The following SSBP2 variants were observed in gnomAD, a reference collection of about 807,000 sequenced individuals.
SSBP2 encodes single-stranded DNA-binding protein 2.
Under a neutral mutation model 61.8 loss-of-function variants are expected in SSBP2, and 17 were observed. That is an observed-to-expected ratio of 0.28 (90% CI 0.19 to 0.41). The LOEUF (loss-of-function observed/expected upper bound fraction) is 0.41, where lower values mean the gene tolerates loss of function less well. Among genes scored for constraint, SSBP2 ranks in the 10% least tolerant of loss-of-function variants. The pLI, the probability that SSBP2 is intolerant of heterozygous loss-of-function variation, is 1.00. For missense variants in SSBP2, 310 were observed against 458.7 expected (o/e 0.68, Z 2.96); for synonymous variants, 139 against 141.3 (o/e 0.98, Z 0.12).
intron 15 of SSBP2, among the ~76,000 whole-genome samples, chr5:81,431,871 C>T (rs943788097): frequency 6.6e-6 from 1 of 152,186 alleles, no homozygotes; most frequent in African/African-American, 2.4e-5. Context: ...CACGTGTGGA[C>T]CACTGTGCCC....
At chr5:81,450,578 T>G (rs1448986397) in intron 10 of SSBP2, among the ~76,000 whole-genome samples, 1 of 152,198 alleles carries the variant, frequency 6.6e-6, no homozygotes, top group Non-Finnish European at 1.5e-5. Flanking sequence ...TATGGTCATA[T>G]CCTAGAACTC....
chr5:81,519,981 T>TC (rs1491110118), intron 4 of SSBP2, among the ~76,000 whole-genome samples: 2 of 150,828 alleles, frequency 1.3e-5, no homozygotes, highest in African/African-American at 2.5e-5. Flanking sequence ...GTAGCTATTT[T>TC]CCCCCCTCTT....
intron 5 of SSBP2, among the ~76,000 whole-genome samples, chr5:81,499,931 T>A (rs1296178906): frequency 6.6e-6 from 1 of 152,224 alleles, no homozygotes; most frequent in African/African-American, 2.4e-5. Flanking sequence ...GTTTTGTTCT[T>A]AAGTTTCTGA....
At chr5:81,527,445 T>G (rs1770030649) in intron 4 of SSBP2, among the ~76,000 whole-genome samples, 1 of 152,016 alleles carries the variant, frequency 6.6e-6, no homozygotes, top group Non-Finnish European at 1.5e-5. Context: ...GCTTCTGGAT[T>G]TCTAGCATAA....
intron 2 of SSBP2, among the ~76,000 whole-genome samples, chr5:81,646,749 G>T (rs1441766602): frequency 8.5e-6 from 1 of 117,814 alleles, no homozygotes; most frequent in African/African-American, 3.3e-5. Context: ...TTTTTCCAAA[G>T]ATAAAGTCCA....
At chr5:81,574,324 A>G (rs574728278) in intron 4 of SSBP2, among the ~76,000 whole-genome samples, 3 of 152,256 alleles carry the variant, frequency 2.0e-5, no homozygotes, top group East Asian at 3.9e-4. Context: ...TATTAGCCCA[A>G]CTGAAAAAAA....
At chr5:81,514,064 A>C (rs1283807440) in intron 4 of SSBP2, among the ~76,000 whole-genome samples, 2 of 152,216 alleles carry the variant, frequency 1.3e-5, no homozygotes, top group East Asian at 3.8e-4. Context: ...CATCAAAAAC[A>C]AACAGGTGAA....
At chr5:81,439,538 G>A (rs1419416145) in intron 14 of SSBP2, among the ~76,000 whole-genome samples, 5 of 148,370 alleles carry the variant, frequency 3.4e-5, no homozygotes, top group African/African-American at 7.5e-5. Context: ...AGTTTTGCTC[G>A]TCACCCAGGC....
chr5:81,501,758 G>A (rs917349178), intron 5 of SSBP2, among the ~76,000 whole-genome samples: 2 of 151,608 alleles, frequency 1.3e-5, no homozygotes, highest in Non-Finnish European at 2.9e-5. Flanking sequence ...AGTAGAGACG[G>A]GGTTTCACCA....
At chr5:81,425,527 C>G (rs940304447) in intron 16 of SSBP2, among the ~76,000 whole-genome samples, 1 of 152,050 alleles carries the variant, frequency 6.6e-6, no homozygotes, top group African/African-American at 2.4e-5. Flanking sequence ...TATTTCAGTG[C>G]CATGGGAAAA....
Position 81,712,038 on chromosome 5 carries a change from G to C in SSBP2, c.62+38943C>G, listed in dbSNP as rs180718279. 6.5e-4 allele frequency among the ~76,000 whole-genome samples: 99 copies of C among 151,366 alleles called. No individual in the cohort carries two copies. The Middle Eastern group carries it at 0.01, about 16-fold the overall frequency. The stretch of plus-strand genomic sequence containing the variant: ...AGTATTATAGTTTAAACACCATACT[G>C]AATCTTCAGACATTTCTTTGGATTA... On this transcript the variant is annotated intron_variant, in intron 1 of 16. Transcript: ENST00000320672.
chr5:81,596,279 A>G (rs1488265131), intron 4 of SSBP2, among the ~76,000 whole-genome samples: 1 of 150,130 alleles, frequency 6.7e-6, no homozygotes, highest in African/African-American at 2.5e-5. Context: ...TCCAACTTAC[A>G]AGGGATGTGA....
chr5:81,742,593 T>C lies in SSBP2; in HGVS notation c.62+8388A>G, dbSNP rs757246807. Among the ~76,000 whole-genome samples the C allele has an allele frequency of 4.6e-5, 7 of 152,240 alleles. No homozygotes were observed. In the South Asian group the frequency reaches 1.2e-3, roughly 27 times the overall value. On this transcript the variant is annotated intron_variant, in intron 1 of 16. Coordinates refer to ENST00000320672, the MANE Select transcript of SSBP2 (RefSeq NM_012446.5). Reference sequence around the variant, plus strand: ...GATGAGGCATTAAACATCACACAAATGGCCGGGCTCAGTGGCTCATGCCTG... The same window carrying C: ...GATGAGGCATTAAACATCACACAAACGGCCGGGCTCAGTGGCTCATGCCTG...
At chr5:81,698,937 T>C (rs1753771335) in intron 1 of SSBP2, among the ~76,000 whole-genome samples, 1 of 152,210 alleles carries the variant, frequency 6.6e-6, no homozygotes, top group Admixed American at 6.5e-5. Context: ...ATTAAGCAAC[T>C]GCAGGCATAC....
chr5:81,618,037 G>A lies in SSBP2; in HGVS notation c.198-2480C>T, dbSNP rs1277991698. On this transcript the variant is annotated intron_variant, in intron 3 of 16. Coordinates refer to ENST00000320672, the MANE Select transcript of SSBP2 (RefSeq NM_012446.5). ...AGACCATCGAGACTAGGAAGAAACCGCATCAACCAATGAGCAAAATCACCA... is the reference window on the plus strand; with the variant it reads ...AGACCATCGAGACTAGGAAGAAACCACATCAACCAATGAGCAAAATCACCA... Among the ~76,000 whole-genome samples the A allele has an allele frequency of 5.1e-5, 6 of 117,228 alleles. 1 individual carries two copies. Among genetic ancestry groups the A allele is most frequent in the East Asian group, 3.2e-4 (1 of 3,136 alleles). 76.9% of individuals were successfully genotyped at this position (117,228 alleles called of 152,430 possible). A position where few individuals can be genotyped will look rare whatever the true frequency, so the allele number is the denominator to read the frequency against.
chr5:81,643,824 A>C (rs1232333478), intron 2 of SSBP2, among the ~76,000 whole-genome samples: 2 of 151,912 alleles, frequency 1.3e-5, no homozygotes, highest in African/African-American at 4.8e-5. Flanking sequence ...GCTGGTCTCA[A>C]ACTCCTGACC....
At chr5:81,522,589 T>G (rs1769575435) in intron 4 of SSBP2, among the ~76,000 whole-genome samples, 1 of 152,148 alleles carries the variant, frequency 6.6e-6, no homozygotes, top group African/African-American at 2.4e-5. Context: ...TTTAAAATAA[T>G]TCATTTCAAT....
In SSBP2 at chr5:81,474,669, T is replaced by C. The variant is rs1765469704; in HGVS notation, c.433-107A>G. 3.9e-6 allele frequency: 3 copies of C among 768,480 alleles called. No homozygotes were observed. In the South Asian group the frequency reaches 6.4e-5, roughly 17 times the overall value. 47.6% of individuals were successfully genotyped at this position (768,480 alleles called of 1,614,324 possible). A position where few individuals can be genotyped will look rare whatever the true frequency, so the allele number is the denominator to read the frequency against. On this transcript the variant is annotated intron_variant, in intron 6 of 16. Coordinates refer to ENST00000320672, the MANE Select transcript of SSBP2 (RefSeq NM_012446.5). ...TTGTATGATAATTACAAGAATGCAT[T>C]TGAGTATTTCTCAAGATTTCTTATA...
intron 9 of SSBP2, 142 bp downstream of exon 9, chr5:81,466,832 G>T: frequency 2.1e-6 from 1 of 467,182 alleles, no homozygotes; most frequent in Non-Finnish European, 3.8e-6. Context: ...CAGAGACTGT[G>T]GTGCTCAAAT....
Sources: gnomAD v4.1 joint callset for allele counts (sites outside exome capture counted in the v4.1 genomes callset) on GRCh38, gnomAD v4.1.1 for gene constraint, MANE v1.5 for transcripts, NCBI Gene and HGNC (gene_info 2026-07-23, HGNC 2026-07-21) for gene names.